AOPEP: variants seen among roughly 807,000 people sequenced by gnomAD.
AOPEP encodes the protein aminopeptidase O.
Under a neutral mutation model 98.1 loss-of-function variants are expected in AOPEP, and 77 were observed. The observed-to-expected ratio is 0.78, with a 90% CI of 0.65 to 0.95. AOPEP has a LOEUF of 0.95. AOPEP is among the 40% of genes least tolerant of loss of function. The pLI is 0.00. For missense variants in AOPEP, 1,024 were observed against 1,024.7 expected (o/e 1.00, Z 0.01); for synonymous variants, 346 against 365.3 (o/e 0.95, Z 0.60).
intron 5 of AOPEP, among the ~76,000 whole-genome samples, chr9:94,829,555 T>A (rs1352580815): frequency 6.6e-6 from 1 of 152,200 alleles, no homozygotes; most frequent in Non-Finnish European, 1.5e-5. Context: ...GCCACGCCCA[T>A]GATGCCAGGG....
chr9:94,958,893 A>G (rs1249006462), intron 9 of AOPEP, among the ~76,000 whole-genome samples: 1 of 151,876 alleles, frequency 6.6e-6, no homozygotes, highest in Admixed American at 6.6e-5. Flanking sequence ...AGTCCAATGT[A>G]TCTATTTTCT....
chr9:94,928,394 C>T, intron 6 of AOPEP, 31 bp from the exon 7 acceptor site: 2 of 1,460,254 alleles, frequency 1.4e-6, no homozygotes, highest in Non-Finnish European at 1.9e-6. Flanking sequence ...GTGTTTTGTG[C>T]ATGTGTGTCT....
At chr9:94,931,815 A>C in intron 7 of AOPEP, 13 of 1,544,354 alleles carry the variant, frequency 8.4e-6, no homozygotes, top group Non-Finnish European at 1.1e-5. Context: ...TTTCTTCTTA[A>C]AGCACTTTCT....
At chr9:95,084,528 C>CT (rs1196797973) in intron 16 of AOPEP, among the ~76,000 whole-genome samples, 2 of 152,144 alleles carry the variant, frequency 1.3e-5, no homozygotes, top group Admixed American at 6.6e-5. Flanking sequence ...TGGTGTTTCT[C>CT]TTTCGTTTTG....
At chr9:94,872,620 T>C (rs1259173479) in intron 5 of AOPEP, among the ~76,000 whole-genome samples, 1 of 152,182 alleles carries the variant, frequency 6.6e-6, no homozygotes, top group Non-Finnish European at 1.5e-5. Flanking sequence ...TAACCTCAAA[T>C]CCTGTTATCC....
chr9:94,885,114 TGAG>T (rs1430995653), intron 5 of AOPEP, among the ~76,000 whole-genome samples: 2 of 151,264 alleles, frequency 1.3e-5, no homozygotes, highest in Non-Finnish European at 2.9e-5. Flanking sequence ...TTGGAGAGGA[TGAG>T]GAGGGTGGAT....
chr9:94,815,432 A>G (rs993895164), intron 5 of AOPEP, among the ~76,000 whole-genome samples: 1 of 152,034 alleles, frequency 6.6e-6, no homozygotes, highest in African/African-American at 2.4e-5. Context: ...TAAGACATTG[A>G]TATTCTTAGT....
chr9:95,096,210 T>TATC, the AOPEP span, among the ~76,000 whole-genome samples: 1 of 152,162 alleles, frequency 6.6e-6, no homozygotes, highest in Non-Finnish European at 1.5e-5. Context: ...GCAATGTCTT[T>TATC]ATCTTATACT....
intron 5 of AOPEP, among the ~76,000 whole-genome samples, chr9:94,888,847 G>A (rs534593844): frequency 4.6e-5 from 7 of 152,220 alleles, no homozygotes; most frequent in Admixed American, 3.9e-4. Context: ...AGTTATACAT[G>A]CATTATTTTC....
At chr9:94,833,842 G>A (rs1042182672) in intron 5 of AOPEP, among the ~76,000 whole-genome samples, 4 of 152,164 alleles carry the variant, frequency 2.6e-5, no homozygotes, top group African/African-American at 9.7e-5. Flanking sequence ...CGTTGAGAAG[G>A]GGAGTTTGTC....
intron 13 of AOPEP, among the ~76,000 whole-genome samples, chr9:95,009,646 A>G (rs2062339701): frequency 6.6e-6 from 1 of 152,150 alleles, no homozygotes; most frequent in Non-Finnish European, 1.5e-5. Context: ...CTGGGGTGAG[A>G]TTGTCAGCTG....
At chr9:95,097,505 G>A in the AOPEP span, among the ~76,000 whole-genome samples, 3 of 152,250 alleles carry the variant, frequency 2.0e-5, no homozygotes, top group East Asian at 1.9e-4. Flanking sequence ...AGTGGGGTCC[G>A]GAAGGGCTGG....
At chr9:95,139,411 G>A in the AOPEP span, among the ~76,000 whole-genome samples, 5 of 152,222 alleles carry the variant, frequency 3.3e-5, no homozygotes, top group South Asian at 2.1e-4. Flanking sequence ...GTTAATCATC[G>A]TACTGCTGTC....
chr9:94,981,216 A>C (rs936413504), intron 11 of AOPEP, among the ~76,000 whole-genome samples: 1 of 152,228 alleles, frequency 6.6e-6, no homozygotes, highest in Non-Finnish European at 1.5e-5. Context: ...AGCTGCCAGC[A>C]GGAGGCTTTT....
intron 14 of AOPEP, 37 bp from the exon 15 acceptor site, chr9:95,080,657 T>C: frequency 3.2e-6 from 5 of 1,541,812 alleles, no homozygotes; most frequent in Non-Finnish European, 4.5e-6. Context: ...GATGCCTGCC[T>C]GCTTGTCGCT....
At chr9:94,869,654 T>C (rs927528368) in intron 5 of AOPEP, among the ~76,000 whole-genome samples, 8 of 152,154 alleles carry the variant, frequency 5.3e-5, no homozygotes, top group Non-Finnish European at 8.8e-5. Flanking sequence ...ATTGAATTAG[T>C]GTAAAAGGAA....
chr9:95,022,724 T>A (rs904699002), intron 13 of AOPEP, among the ~76,000 whole-genome samples: 4 of 152,162 alleles, frequency 2.6e-5, no homozygotes, highest in African/African-American at 9.7e-5. Context: ...GTTTTAACAA[T>A]AGCTCAGTAG....
At chr9:95,090,176 A>C (rs959376164), downstream of AOPEP, among the ~76,000 whole-genome samples, 5 of 152,246 alleles carry the variant, frequency 3.3e-5, no homozygotes, top group African/African-American at 1.2e-4. Context: ...TAGCAACGTC[A>C]CAGGGCCATC....
the AOPEP span, among the ~76,000 whole-genome samples, chr9:95,144,813 A>G: frequency 5.3e-5 from 8 of 152,198 alleles, no homozygotes; most frequent in Non-Finnish European, 8.8e-5. Context: ...CGTGTGCTCC[A>G]TTGCGGGTGT....
Sources: gnomAD v4.1 joint callset for allele counts (sites outside exome capture counted in the v4.1 genomes callset) on GRCh38, gnomAD v4.1.1 for gene constraint, MANE v1.5 for transcripts, NCBI Gene and HGNC (gene_info 2026-07-23, HGNC 2026-07-21) for gene names.